ANKS1B: variants seen among roughly 807,000 people sequenced by gnomAD.
ANKS1B encodes the protein ankyrin repeat and sterile alpha motif domain-containing protein 1B.
A neutral mutation model predicts 148.3 loss-of-function variants in ANKS1B; 36 were observed. That is an observed-to-expected ratio of 0.24 (90% CI 0.19 to 0.32). The LOEUF (loss-of-function observed/expected upper bound fraction) is 0.32, where lower values mean the gene tolerates loss of function less well. Ranked by LOEUF, ANKS1B falls within the 10% of genes least tolerant of loss-of-function variation. ANKS1B has a pLI of 1.00. For synonymous variants in ANKS1B, 542 were observed against 560.8 expected (o/e 0.97, Z 0.47); for missense variants, 1,157 against 1,542.6 (o/e 0.75, Z 4.19).
At chr12:99,509,259 CAAG>C (rs2096740602) in intron 9 of ANKS1B, among the ~76,000 whole-genome samples, 1 of 151,658 alleles carries the variant, frequency 6.6e-6, no homozygotes, top group Non-Finnish European at 1.5e-5. Context: ...AGTTCAAATT[CAAG>C]AAGAGTCACA....
chr12:99,040,298 A>G (rs1007259654), intron 17 of ANKS1B, among the ~76,000 whole-genome samples: 2 of 150,550 alleles, frequency 1.3e-5, no homozygotes, highest in East Asian at 1.9e-4. Context: ...GTGTGTGTGT[A>G]TAGTGGTACT....
intron 8 of ANKS1B, among the ~76,000 whole-genome samples, chr12:99,706,077 A>C (rs2055713497): frequency 6.6e-6 from 1 of 152,096 alleles, no homozygotes; most frequent in Non-Finnish European, 1.5e-5. Flanking sequence ...TCTAACCCAA[A>C]TTTTGCAATT....
intron 12 of ANKS1B, among the ~76,000 whole-genome samples, chr12:99,327,900 T>C (rs1285360378): frequency 1.3e-5 from 2 of 151,898 alleles, no homozygotes; most frequent in African/African-American, 2.4e-5. Context: ...TCTGAATATA[T>C]CTATTTTTAA....
chr12:99,912,014 T>C (rs992691795), intron 1 of ANKS1B, among the ~76,000 whole-genome samples: 1 of 152,208 alleles, frequency 6.6e-6, no homozygotes, highest in Non-Finnish European at 1.5e-5. Flanking sequence ...CACATTAAAA[T>C]TTTAAAGAGT....
At chr12:99,606,118 C>T (rs1024666935) in intron 9 of ANKS1B, among the ~76,000 whole-genome samples, 3 of 151,916 alleles carry the variant, frequency 2.0e-5, no homozygotes, top group Non-Finnish European at 2.9e-5. Context: ...TACTTCTTGG[C>T]CATTTGTATG....
intron 24 of ANKS1B, among the ~76,000 whole-genome samples, chr12:98,774,927 A>G (rs1476133196): frequency 6.6e-6 from 1 of 152,278 alleles, no homozygotes; most frequent in Non-Finnish European, 1.5e-5. Flanking sequence ...CTATTGCAAG[A>G]TAAGTTTCAG....
At chr12:98,899,164 A>G (rs1051768872) in intron 17 of ANKS1B, among the ~76,000 whole-genome samples, 35 of 152,214 alleles carry the variant, frequency 2.3e-4, no homozygotes, top group Non-Finnish European at 3.8e-4. Context: ...TGACTTTGGA[A>G]TAAGACCTGT....
intron 17 of ANKS1B, among the ~76,000 whole-genome samples, chr12:98,901,675 A>G (rs1421618431): frequency 6.6e-6 from 1 of 152,240 alleles, no homozygotes. Context: ...GGCACAAAAT[A>G]GAAGTCAGAG....
intron 2 of ANKS1B, among the ~76,000 whole-genome samples, chr12:99,813,448 G>A (rs1565779139): frequency 6.6e-6 from 1 of 151,198 alleles, no homozygotes. Flanking sequence ...CACTAATGGG[G>A]AGGGTGAACA....
At chr12:99,440,826 A>G (rs1351881677) in intron 11 of ANKS1B, among the ~76,000 whole-genome samples, 2 of 151,886 alleles carry the variant, frequency 1.3e-5, no homozygotes, top group Admixed American at 6.6e-5. Flanking sequence ...TAAACTACAT[A>G]AAGGTATACA....
intron 8 of ANKS1B, among the ~76,000 whole-genome samples, chr12:99,676,297 A>C (rs2098569352): frequency 6.6e-6 from 1 of 152,186 alleles, no homozygotes; most frequent in Non-Finnish European, 1.5e-5. Context: ...GCATAGACTA[A>C]TACACTCGCA....
chr12:99,340,301 GC>G (rs983294518), intron 12 of ANKS1B, among the ~76,000 whole-genome samples: 4 of 151,928 alleles, frequency 2.6e-5, no homozygotes, highest in Non-Finnish European at 5.9e-5. Flanking sequence ...CTGTGATAAA[GC>G]AAAAAAAGTA....
intron 19 of ANKS1B, among the ~76,000 whole-genome samples, chr12:98,827,483 T>C (rs2099258926): frequency 6.6e-6 from 1 of 152,144 alleles, no homozygotes; most frequent in African/African-American, 2.4e-5. Context: ...TTCCATTTTC[T>C]CAAGGCAAGA....
At chr12:98,792,616 C>G (rs2098889405) in intron 22 of ANKS1B, among the ~76,000 whole-genome samples, 1 of 152,150 alleles carries the variant, frequency 6.6e-6, no homozygotes, top group South Asian at 2.1e-4. Context: ...CTCATCTACC[C>G]TTTCCTGGCT....
Position 99,302,647 on chromosome 12 carries a change from C to T in ANKS1B, c.1757-55783G>A, listed in dbSNP as rs546074537. Among the ~76,000 whole-genome samples the T allele has an allele frequency of 8.0e-4, 122 of 152,134 alleles. No individual in the cohort carries two copies. The Middle Eastern group carries it at 0.02, about 25-fold the overall frequency. ...GAGAAAAATTCATCTAAGAATCTTC[C>T]TAATTCCCCTTTATTCACTGACTTT... On this transcript the variant is annotated intron_variant, in intron 12 of 26. Transcript: ENST00000683438.
chr12:99,774,767 C>A (rs1399254511), intron 7 of ANKS1B, among the ~76,000 whole-genome samples: 1 of 151,962 alleles, frequency 6.6e-6, no homozygotes, highest in Non-Finnish European at 1.5e-5. Flanking sequence ...AAATAAAATG[C>A]AATGTGTGTA....
intron 19 of ANKS1B, among the ~76,000 whole-genome samples, chr12:98,822,965 T>C (rs2099211313): frequency 6.6e-6 from 1 of 152,266 alleles, no homozygotes; most frequent in South Asian, 2.1e-4. Context: ...TTAATCATAC[T>C]GGAATTTCTA....
intron 14 of ANKS1B, among the ~76,000 whole-genome samples, chr12:99,227,351 A>G (rs2086110355): frequency 1.3e-5 from 2 of 152,218 alleles, no homozygotes; most frequent in African/African-American, 4.8e-5. Context: ...GAACGCGAGC[A>G]GATGCCAGGA....
rs1273074597 is a variant in ANKS1B, at chr12:99,175,045, A to G, written c.2420-20650T>C. Among the ~76,000 whole-genome samples, 4 of 152,348 alleles carry G rather than the reference A, an allele frequency of 2.6e-5. No homozygotes were observed. In the South Asian group the frequency reaches 8.3e-4, roughly 32 times the overall value. ...ATAAAGTGCTAAAAATCAGCTCAGTAGCATTTACATAGCTAGCTGATGTTG... is the reference window on the plus strand; with the variant it reads ...ATAAAGTGCTAAAAATCAGCTCAGTGGCATTTACATAGCTAGCTGATGTTG... On this transcript the variant is annotated intron_variant, in intron 14 of 26. Transcript: ENST00000683438.
Sources: gnomAD v4.1 joint callset for allele counts (sites outside exome capture counted in the v4.1 genomes callset) on GRCh38, gnomAD v4.1.1 for gene constraint, MANE v1.5 for transcripts, NCBI Gene and HGNC (gene_info 2026-07-23, HGNC 2026-07-21) for gene names.